Variants in CANX observed in about 807,000 individuals in gnomAD.
CANX encodes the protein epididymis secretory sperm binding protein.
In CANX, 14 loss-of-function variants were observed where a neutral mutation model predicts 75.7. That is an observed-to-expected ratio of 0.19 (90% CI 0.12 to 0.29). The LOEUF (loss-of-function observed/expected upper bound fraction) is 0.29. Among genes scored for constraint, CANX ranks in the 10% least tolerant of loss-of-function variants. The probability of loss-of-function intolerance (pLI) is 1.00; values close to 1 mark genes in which losing one functional copy is unlikely to be tolerated. For synonymous variants in CANX, 227 were observed against 236.9 expected, an observed-to-expected ratio of 0.96 and a Z score of 0.38; for missense variants, 567 against 713.2, an observed-to-expected ratio of 0.79 and a Z score of 2.34.
At chr5:179,681,571 A>G (rs564658368) in intron 1 of CANX, among the ~76,000 whole-genome samples, 2 of 152,234 alleles carry the variant, frequency 1.3e-5, no homozygotes, top group Admixed American at 1.3e-4. Flanking sequence ...AGGCCTCCTT[A>G]AAGCAAGGGA....
At position 179,708,946 on chromosome 5, in the gene CANX, A is replaced by T. The variant is rs776413792; in HGVS notation, c.447-32A>T. On this transcript the variant is annotated intron_variant, in intron 5 of 14. Transcript: ENST00000247461. The stretch of plus-strand genomic sequence containing the variant: ...GAGAGTTTCGATCTTTCAAAATGCC[A>T]TACAGTTTTCTGCTTTTCTCTCTGA... 16 of 1,101,492 alleles carry T rather than the reference A, an allele frequency of 1.5e-5. No homozygotes were observed. In the South Asian group the frequency reaches 2.0e-4, roughly 14 times the overall value. The allele number at this position is 1,101,492 out of a possible 1,614,324, so 68.2% of individuals were successfully genotyped here.
chr5:179,728,891 C>A lies in CANX; in HGVS notation c.*247C>A. 2 of 534,646 alleles carry A rather than the reference C, an allele frequency of 3.7e-6. No homozygotes were observed. Among genetic ancestry groups the A allele is most frequent in the South Asian group, 1.8e-5 (1 of 54,674 alleles). The allele number at this position is 534,646 out of a possible 1,614,324, so 33.1% of individuals were successfully genotyped here. On this transcript the variant is annotated 3_prime_UTR_variant, in exon 15 of 15. Transcript: ENST00000247461. Reference sequence around the variant, plus strand: ...TTAACATAATGGTTGTGAAATGTAACATGAAGCAAACTAACTTTTTTTTTT... The same window carrying A: ...TTAACATAATGGTTGTGAAATGTAAAATGAAGCAAACTAACTTTTTTTTTT...
rs1777078815 is a variant in CANX at position 179,705,637 on chromosome 5, T to G, written c.-3-42T>G. 2.0e-6 allele frequency: 3 copies of G among 1,488,810 alleles called. No homozygotes were observed. In the East Asian group the frequency reaches 6.8e-5, roughly 34 times the overall value. The allele number at this position is 1,488,810 out of a possible 1,614,324, so 92.2% of individuals were successfully genotyped here. On this transcript the variant is annotated intron_variant, in intron 1 of 14. Transcript: ENST00000247461. ...GGTTAGTGATCTTCATGAAGTTTGA[T>G]AGGTGGCAATACATTTAACTGATTT...
At chr5:179,682,109 G>A (rs1226855058) in intron 1 of CANX, among the ~76,000 whole-genome samples, 5 of 151,950 alleles carry the variant, frequency 3.3e-5, no homozygotes, top group East Asian at 1.9e-4. Flanking sequence ...AAAATTAGCC[G>A]GGTGTGGTGG....
intron 8 of CANX, among the ~76,000 whole-genome samples, chr5:179,718,874 A>T (rs1778132001): frequency 6.6e-6 from 1 of 151,756 alleles, no homozygotes; most frequent in African/African-American, 2.4e-5. Context: ...CATATTGGTC[A>T]GGCCGGTCTT....
chr5:179,689,629 A>G (rs955220532), intron 1 of CANX, among the ~76,000 whole-genome samples: 1 of 152,024 alleles, frequency 6.6e-6, no homozygotes, highest in African/African-American at 2.4e-5. Context: ...ACTTCAGCTG[A>G]TCCGCCCGCC....
chr5:179,727,397 C>T (rs907581350), intron 14 of CANX, among the ~76,000 whole-genome samples: 13 of 152,318 alleles, frequency 8.5e-5, no homozygotes, highest in African/African-American at 3.1e-4. Context: ...AAACCTTACT[C>T]GAAAGATGAC....
chr5:179,706,395 T>G, intron 3 of CANX, 64 bp downstream of exon 3: 2 of 758,722 alleles, frequency 2.6e-6, no homozygotes, highest in Non-Finnish European at 4.5e-6. Flanking sequence ...GATAGTAGAT[T>G]CCTTTTTGGA....
upstream of CANX, chr5:179,694,394 G>A: frequency 1.6e-6 from 1 of 627,570 alleles, no homozygotes; most frequent in Non-Finnish European, 2.9e-6. Flanking sequence ...CGGATAAAGT[G>A]CACTGTGATC....
chr5:179,710,139 C>G lies in CANX; in HGVS notation c.721+74C>G, dbSNP rs948365773. On this transcript the variant is annotated intron_variant, in intron 7 of 14. Transcript: ENST00000247461. ...TCCATTTAATTTAAAGATTGTATAT[C>G]TGGCCGGGCACTGTGGCTCACGCCT... 1.0e-5 allele frequency: 10 copies of G among 961,372 alleles called. No homozygotes were observed. In the African/African-American group the frequency reaches 1.7e-4, roughly 16 times the overall value. The allele number at this position is 961,372 out of a possible 1,614,324, so 59.6% of individuals were successfully genotyped here.
intron 1 of CANX, among the ~76,000 whole-genome samples, chr5:179,693,145 CA>C (rs766961125): frequency 0.013 from 1,217 of 92,968 alleles, 10 homozygotes; most frequent in African/African-American, 0.03. Context: ...AACTCCGTCT[CA>C]AAAAAAAAAA....
intron 1 of CANX, among the ~76,000 whole-genome samples, chr5:179,682,048 C>G (rs1292863596): frequency 6.6e-6 from 1 of 150,944 alleles, no homozygotes; most frequent in African/African-American, 2.4e-5. Flanking sequence ...GTCAGAAGCT[C>G]GAGAACTGCC....
intron 7 of CANX, among the ~76,000 whole-genome samples, chr5:179,714,540 C>T (rs1339776682): frequency 3.4e-5 from 5 of 148,770 alleles, no homozygotes; most frequent in Admixed American, 6.7e-5. Flanking sequence ...TTTTTTGAGA[C>T]GGAGTCTCGC....
At chr5:179,727,208 A>T (rs894465551) in intron 14 of CANX, among the ~76,000 whole-genome samples, 1 of 152,228 alleles carries the variant, frequency 6.6e-6, no homozygotes, top group Non-Finnish European at 1.5e-5. Flanking sequence ...GTCAGTGAGT[A>T]AGACAGACAA....
Position 179,724,637 on chromosome 5 carries a change from T to A in CANX, c.1519-20T>A, listed in dbSNP as rs1461542325. 8.7e-6 allele frequency: 14 copies of A among 1,607,844 alleles called. No individual in the cohort carries two copies. Among genetic ancestry groups the A allele is most frequent in the Non-Finnish European group, 1.2e-5 (14 of 1,176,112 alleles). On this transcript the variant is annotated intron_variant, in intron 12 of 14. Transcript: ENST00000247461. ...ATACATGAACATGTAAACAAAATTG[T>A]ACTTTGGGGAACATTTCAGAAACAG...
chr5:179,701,892 ACCACACCCG>A (rs1431701309), intron 1 of CANX, among the ~76,000 whole-genome samples: 1 of 151,418 alleles, frequency 6.6e-6, no homozygotes, highest in African/African-American at 2.4e-5. Context: ...GGTGCCCACC[ACCACACCCG>A]GCCCGGTTTT....
chr5:179,683,336 T>G (rs1160455034), intron 1 of CANX, among the ~76,000 whole-genome samples: 6 of 151,968 alleles, frequency 3.9e-5, no homozygotes, highest in Non-Finnish European at 8.8e-5. Flanking sequence ...GGTTTCACCG[T>G]GTTGGCCAGG....
At chr5:179,695,905 T>A (rs922647158), upstream of CANX, among the ~76,000 whole-genome samples, 2 of 152,138 alleles carry the variant, frequency 1.3e-5, no homozygotes, top group African/African-American at 2.4e-5. Flanking sequence ...CCCAAAGTGC[T>A]GGGATTACAG....
chr5:179,716,007 C>G (rs753317572), intron 7 of CANX, 98 bp from the exon 8 acceptor site: 1 of 916,772 alleles, frequency 1.1e-6, no homozygotes, highest in African/African-American at 1.6e-5. Context: ...TCAGGTCAGA[C>G]TTCTGCTGCT....
Sources: gnomAD v4.1 joint callset for allele counts (sites outside exome capture counted in the v4.1 genomes callset) on GRCh38, gnomAD v4.1.1 for gene constraint, MANE v1.5 for transcripts, NCBI Gene and HGNC (gene_info 2026-07-23, HGNC 2026-07-21) for gene names.